Variants in SLC8A1 observed in about 807,000 individuals in gnomAD.
SLC8A1 encodes the protein solute carrier family 8 member A1, also known as sodium/calcium exchanger 1.
SLC8A1 carries 18 observed loss-of-function variants against 68.3 expected under a neutral mutation model. That is an observed-to-expected ratio of 0.26 (90% CI 0.18 to 0.39). The LOEUF is 0.39. SLC8A1 is among the 10% of genes least tolerant of loss of function. The pLI, the probability that SLC8A1 is intolerant of heterozygous loss-of-function variation, is 1.00. For synonymous variants in SLC8A1, 475 were observed against 415.5 expected (o/e 1.14, Z -1.74); for missense variants, 985 against 1,156.7 (o/e 0.85, Z 2.15).
At chr2:40,315,111 T>A (rs886666174) in intron 2 of SLC8A1, among the ~76,000 whole-genome samples, 1 of 152,014 alleles carries the variant, frequency 6.6e-6, no homozygotes, top group African/African-American at 2.4e-5. Flanking sequence ...TTAAGTATGA[T>A]GTTAATTTTA....
At chr2:40,233,989 G>T (rs1163981171) in intron 2 of SLC8A1, among the ~76,000 whole-genome samples, 2 of 152,094 alleles carry the variant, frequency 1.3e-5, no homozygotes, top group African/African-American at 4.8e-5. Context: ...ATGCTGTTTT[G>T]GTTACTGTAG....
intron 2 of SLC8A1, among the ~76,000 whole-genome samples, chr2:40,306,615 G>A (rs976168338): frequency 3.9e-5 from 6 of 152,146 alleles, no homozygotes; most frequent in Non-Finnish European, 8.8e-5. Flanking sequence ...AGTTGCCAAA[G>A]GAAAGTGTGA....
At chr2:40,385,984 CATTTTT>C (rs60981590) in intron 2 of SLC8A1, among the ~76,000 whole-genome samples, 110,125 of 150,712 alleles carry the variant, frequency 0.73, 41,724 homozygotes, top group African/African-American at 0.93. Context: ...AGGTGATTTT[CATTTTT>C]ATCTTTATAA....
chr2:40,197,625 A>G (rs2053299737), intron 2 of SLC8A1, among the ~76,000 whole-genome samples: 1 of 151,908 alleles, frequency 6.6e-6, no homozygotes, highest in East Asian at 1.9e-4. Flanking sequence ...GTCTGCTTCC[A>G]TTTTCCAAAC....
chr2:40,233,440 G>T (rs1207505935), intron 2 of SLC8A1, among the ~76,000 whole-genome samples: 3 of 147,288 alleles, frequency 2.0e-5, no homozygotes, highest in Non-Finnish European at 4.5e-5. Context: ...TTTTGATGGG[G>T]TTGTTTGTTT....
At chr2:40,456,958 G>T (rs1425689420), upstream of SLC8A1, among the ~76,000 whole-genome samples, 1 of 152,090 alleles carries the variant, frequency 6.6e-6, no homozygotes, top group Non-Finnish European at 1.5e-5. Context: ...TTCTGATTTT[G>T]TAAGTACATA....
intron 2 of SLC8A1, among the ~76,000 whole-genome samples, chr2:40,222,850 T>C (rs978118485): frequency 2.0e-5 from 3 of 152,160 alleles, no homozygotes; most frequent in Non-Finnish European, 4.4e-5. Context: ...ATGGTGATCA[T>C]TAAAAAGTCA....
chr2:40,180,584 C>T (rs537654409), intron 2 of SLC8A1, among the ~76,000 whole-genome samples: 6 of 152,308 alleles, frequency 3.9e-5, no homozygotes, highest in Admixed American at 3.9e-4. Flanking sequence ...CGCTACTGTT[C>T]TCTGCACTTG....
chr2:40,441,832 A>G (rs1273023146), intron 1 of SLC8A1, among the ~76,000 whole-genome samples: 1 of 152,136 alleles, frequency 6.6e-6, no homozygotes, highest in Non-Finnish European at 1.5e-5. Context: ...AAACCTAGGC[A>G]ATACCATTCA....
intron 7 of SLC8A1, among the ~76,000 whole-genome samples, chr2:40,129,444 C>T (rs1164991786): frequency 6.6e-6 from 1 of 152,040 alleles, no homozygotes; most frequent in Admixed American, 6.6e-5. Flanking sequence ...CTATGTTGCC[C>T]AGGCTCATCT....
At chr2:40,376,289 G>C (rs1679837516) in intron 2 of SLC8A1, among the ~76,000 whole-genome samples, 2 of 152,014 alleles carry the variant, frequency 1.3e-5, no homozygotes, top group Admixed American at 6.6e-5. Flanking sequence ...GCTAACCTAA[G>C]CCAATTTTGC....
At chr2:40,162,089 G>A (rs2045789202) in intron 5 of SLC8A1, among the ~76,000 whole-genome samples, 1 of 152,152 alleles carries the variant, frequency 6.6e-6, no homozygotes, top group Admixed American at 6.5e-5. Flanking sequence ...TCTCCAACTG[G>A]CTCACTCTGT....
chr2:40,172,663 C>T (rs2047706240), intron 4 of SLC8A1, among the ~76,000 whole-genome samples: 1 of 152,090 alleles, frequency 6.6e-6, no homozygotes, highest in African/African-American at 2.4e-5. Flanking sequence ...AAAATTTGGG[C>T]CAGGTGCGGT....
intron 2 of SLC8A1, among the ~76,000 whole-genome samples, chr2:40,310,566 T>C (rs2073489353): frequency 6.6e-6 from 1 of 152,164 alleles, no homozygotes; most frequent in African/African-American, 2.4e-5. Flanking sequence ...ACTCAGGCCA[T>C]GTGACTTCAG....
chr2:40,332,824 A>G (rs62150832), intron 2 of SLC8A1, among the ~76,000 whole-genome samples: 7,885 of 152,338 alleles, frequency 0.052, 232 homozygotes, highest in African/African-American at 0.079. Context: ...GTTATGTGTT[A>G]TCAGATAAAC....
chr2:40,472,950 A>T (rs993379163), intron 1 of SLC8A1, among the ~76,000 whole-genome samples: 5 of 152,124 alleles, frequency 3.3e-5, no homozygotes, highest in Non-Finnish European at 7.4e-5. Flanking sequence ...GGTGAGTTAC[A>T]ATACAGCATA....
chr2:40,160,891 A>T, intron 5 of SLC8A1, 27 bp from the exon 9 acceptor site: 1 of 1,559,144 alleles, frequency 6.4e-7, no homozygotes, highest in Non-Finnish European at 8.8e-7. Flanking sequence ...GAAAAATATA[A>T]ATGCTGGGTT....
chr2:40,219,441 T>G (rs986965747), intron 2 of SLC8A1, among the ~76,000 whole-genome samples: 2 of 152,232 alleles, frequency 1.3e-5, no homozygotes, highest in African/African-American at 4.8e-5. Flanking sequence ...TTTCTTCAAT[T>G]TCTCATCAAC....
intron 2 of SLC8A1, among the ~76,000 whole-genome samples, chr2:40,276,197 T>C (rs947435483): frequency 6.6e-6 from 1 of 152,224 alleles, no homozygotes; most frequent in African/African-American, 2.4e-5. Context: ...CTTTGCCTTC[T>C]TCTTTCCCCT....
Sources: allele counts gnomAD v4.1 joint callset (sites outside exome capture counted in the v4.1 genomes callset), GRCh38; gene constraint gnomAD v4.1.1; transcripts MANE v1.5; gene names NCBI Gene and HGNC (gene_info 2026-07-23, HGNC 2026-07-21).